The following GPR141 variants were observed in gnomAD, a reference collection of about 807,000 sequenced individuals.
GPR141 encodes probable G protein-coupled receptor 141.
GPR141 carries 6 observed loss-of-function variants against 6.8 expected under a neutral mutation model. The ratio of observed to expected loss-of-function variants is 0.88; its 90% confidence interval spans 0.48 to 1.74. The LOEUF (loss-of-function observed/expected upper bound fraction) is 1.74, where lower values mean the gene tolerates loss of function less well. GPR141 is among the 40% of genes most tolerant of loss of function. The pLI is 0.01. For missense variants in GPR141, 372 were observed against 372.9 expected (o/e 1.00, Z 0.02); for synonymous variants, 140 against 142.3 (o/e 0.98, Z 0.11).
intron 2 of GPR141, among the ~76,000 whole-genome samples, chr7:37,729,662 A>T (rs1811819498): frequency 6.6e-6 from 1 of 152,220 alleles, no homozygotes; most frequent in Admixed American, 6.5e-5. Context: ...AGGAGCTGAG[A>T]ATGTCCCGGG....
chr7:37,690,339 G>A (rs1415871246), intron 2 of GPR141, among the ~76,000 whole-genome samples: 1 of 152,148 alleles, frequency 6.6e-6, no homozygotes, highest in Non-Finnish European at 1.5e-5. Context: ...CGTGGGAGCA[G>A]ATCCCTCACG....
chr7:37,738,280 A>G (rs371361301), intron 2 of GPR141, among the ~76,000 whole-genome samples: 98 of 152,332 alleles, frequency 6.4e-4, no homozygotes, highest in African/African-American at 2.3e-3. Flanking sequence ...CGATCATGGC[A>G]GTTTATAATA....
intron 2 of GPR141, among the ~76,000 whole-genome samples, chr7:37,689,000 A>C (rs1562763439): frequency 6.6e-6 from 1 of 152,130 alleles, no homozygotes. Context: ...ACTACAACTC[A>C]TTTCCAGAAG....
intron 2 of GPR141, among the ~76,000 whole-genome samples, chr7:37,706,249 T>G (rs574935173): frequency 6.6e-6 from 1 of 152,272 alleles, no homozygotes; most frequent in South Asian, 2.1e-4. Flanking sequence ...ACTCTACGGA[T>G]GCATAGAAGG....
In GPR141 at chr7:37,740,987, C is replaced by T; in HGVS notation, c.594C>T (p.Val198=). 1 of 1,613,926 alleles carries T rather than the reference C, an allele frequency of 6.2e-7. No homozygotes were observed. The highest frequency in any genetic ancestry group is 1.1e-5 in the South Asian group (1 of 91,072). ...FVIAVAVILL[V]FQVFIIMLMV... is the part of the protein sequence containing the mutation. ...TAGCCGTTGCTGTGATTCTGTTGGT[C>T]TTCCAGGTCTTCATCATTATGTTGA... Residue 198 remains valine (V), a synonymous_variant, in exon 3 of 3, where the codon GTC becomes GTT. Transcript: ENST00000334425.
intron 2 of GPR141, among the ~76,000 whole-genome samples, chr7:37,726,450 G>A (rs537091189): frequency 1.3e-5 from 2 of 152,270 alleles, no homozygotes; most frequent in South Asian, 4.1e-4. Context: ...AGGCAATGAA[G>A]AGTTGACCAA....
chr7:37,686,606 G>A (rs1809523189), intron 2 of GPR141, among the ~76,000 whole-genome samples: 1 of 151,538 alleles, frequency 6.6e-6, no homozygotes, highest in South Asian at 2.1e-4. Flanking sequence ...AGCATCTTTG[G>A]AATGGTTATA....
chr7:37,723,697 G>A (rs537295426), intron 2 of GPR141, among the ~76,000 whole-genome samples: 10 of 152,298 alleles, frequency 6.6e-5, no homozygotes, highest in East Asian at 3.9e-4. Context: ...TTACATGTCC[G>A]TATAGACATG....
chr7:37,692,498 T>C (rs1157703948), intron 2 of GPR141, among the ~76,000 whole-genome samples: 1 of 152,198 alleles, frequency 6.6e-6, no homozygotes, highest in Non-Finnish European at 1.5e-5. Context: ...TTATAATCCT[T>C]TGGGTATATA....
Position 37,743,231 on chromosome 7 carries a change from A to ACT in GPR141, c.*1921_*1922dup, listed in dbSNP as rs3055178. Among the ~76,000 whole-genome samples, 124,369 of 151,866 alleles carry ACT rather than the reference A, an allele frequency of 0.82. 50,945 individuals carry two copies. Among genetic ancestry groups the ACT allele is most frequent in the Middle Eastern group, 0.86 (254 of 294 alleles). ...TAAAAGTTTTTCATAATTTATTATC[A>ACT]CTGTGGATCCACAAATTCCTCAGAT... On this transcript the variant is annotated 3_prime_UTR_variant, in exon 3 of 3. Coordinates refer to ENST00000334425, the MANE Select transcript of GPR141 (RefSeq NM_001381946.1).
chr7:37,696,624 G>T (rs185518783), intron 2 of GPR141, among the ~76,000 whole-genome samples: 172 of 151,720 alleles, frequency 1.1e-3, no homozygotes, highest in African/African-American at 3.7e-3. Flanking sequence ...GTGTCATCTA[G>T]TATAATGGCA....
Position 37,743,366 on chromosome 7 carries a change from A to G in GPR141, c.*2055A>G, listed in dbSNP as rs1006328646. ...CATAGTTCAAACATGACTTGTTTCC[A>G]TATATTTTCTGTTTTATATATTCTT... On this transcript the variant is annotated 3_prime_UTR_variant, in exon 3 of 3. Transcript: ENST00000334425. Among the ~76,000 whole-genome samples the G allele has an allele frequency of 2.0e-5, 3 of 152,256 alleles. No homozygotes were observed. The South Asian group carries it at 6.2e-4, about 32-fold the overall frequency.
In GPR141 at chr7:37,706,430, C is replaced by T. The variant is rs139919561; in HGVS notation, c.-15+20847C>T. On this transcript the variant is annotated intron_variant, in intron 2 of 2. Transcript: ENST00000334425. ...CAAAATATTTGTAAAAGCATTTATC[C>T]AGATTCAAGAAGAAGGCTTGAGGTT... is the stretch of plus-strand genomic sequence containing the variant. 2.5e-4 allele frequency among the ~76,000 whole-genome samples: 38 copies of T among 152,206 alleles called. No individual in the cohort carries two copies. In the East Asian group the frequency reaches 6.6e-3, roughly 26 times the overall value.
chr7:37,730,753 G>A (rs1402851004), intron 2 of GPR141, among the ~76,000 whole-genome samples: 1 of 152,240 alleles, frequency 6.6e-6, no homozygotes, highest in African/African-American at 2.4e-5. Context: ...CATTCTCTTG[G>A]CTTTCCCACA....
rs1810528870 is a variant in GPR141, at chr7:37,706,495, T to G, written c.-15+20912T>G. Among the ~76,000 whole-genome samples, 4 of 152,256 alleles carry G rather than the reference T, an allele frequency of 2.6e-5. 1 individual carries two copies. The South Asian group carries it at 8.3e-4, about 32-fold the overall frequency. On this transcript the variant is annotated intron_variant, in intron 2 of 2. Transcript: ENST00000334425. ...AAGAGCTTTTTTCCACCCTGCAGAT[T>G]TCTGTGAGTACCAGGAGGAAGTGGG...
chr7:37,736,985 CTG>C (rs142598140), intron 2 of GPR141, among the ~76,000 whole-genome samples: 5,361 of 152,038 alleles, frequency 0.035, 331 homozygotes, highest in African/African-American at 0.12. Flanking sequence ...AGCATGAAAA[CTG>C]AGAATAAGGG....
At chr7:37,727,160 CT>C (rs1811673424) in intron 2 of GPR141, among the ~76,000 whole-genome samples, 1 of 152,162 alleles carries the variant, frequency 6.6e-6, no homozygotes, top group Non-Finnish European at 1.5e-5. Flanking sequence ...AAATCTGAGT[CT>C]TTTCTAGTAG....
rs555093133 is a variant in GPR141 at position 37,737,044 on chromosome 7, CAA to C, written c.-14-3335_-14-3334del. 4.7e-4 allele frequency among the ~76,000 whole-genome samples: 71 copies of C among 151,902 alleles called. 1 individual carries two copies. Among genetic ancestry groups the C allele is most frequent in the African/African-American group, 1.6e-3 (68 of 41,434 alleles). ...TGCTCTGAATTTATAACATTTTAAA[CAA>C]GAGTCAAAATTTCTATTTACAACAC... On this transcript the variant is annotated intron_variant, in intron 2 of 2. Transcript: ENST00000334425.
In GPR141 at chr7:37,741,479, T is replaced by G; in HGVS notation, c.*168T>G. ...CTCATTGTAGTCCTTATGGGATCCC[T>G]CCCATCTCTGAGTGATGGCCGTACA... On this transcript the variant is annotated 3_prime_UTR_variant, in exon 3 of 3. Transcript: ENST00000334425. 7.1e-6 allele frequency: 4 copies of G among 562,362 alleles called. No homozygotes were observed. Among genetic ancestry groups the G allele is most frequent in the Non-Finnish European group, 1.2e-5 (4 of 322,320 alleles). 34.8% of individuals were successfully genotyped at this position (562,362 alleles called of 1,614,324 possible).
Sources: allele counts gnomAD v4.1 joint callset (sites outside exome capture counted in the v4.1 genomes callset), GRCh38; gene constraint gnomAD v4.1.1; transcripts MANE v1.5; gene names NCBI Gene and HGNC (gene_info 2026-07-23, HGNC 2026-07-21).